PDE1A: variants seen among roughly 807,000 people sequenced by gnomAD.
The protein encoded by PDE1A is dual specificity calcium/calmodulin-dependent 3',5'-cyclic nucleotide phosphodiesterase 1A.
Under a neutral mutation model 61.7 loss-of-function variants are expected in PDE1A, and 35 were observed. That is an observed-to-expected ratio of 0.57 (90% CI 0.43 to 0.75). The LOEUF is 0.75. PDE1A is among the 30% of genes least tolerant of loss of function. PDE1A has a pLI of 0.00. For missense variants in PDE1A, 597 were observed against 630.6 expected (o/e 0.95, Z 0.57); for synonymous variants, 232 against 213.2 (o/e 1.09, Z -0.77).
At chr2:182,501,471 T>C (rs1030046058) in intron 2 of PDE1A, among the ~76,000 whole-genome samples, 1 of 152,202 alleles carries the variant, frequency 6.6e-6, no homozygotes, top group African/African-American at 2.4e-5. Context: ...TTTTCAGGAA[T>C]AGCCATGCTT....
the PDE1A span, among the ~76,000 whole-genome samples, chr2:182,595,940 CCAGA>C: frequency 6.6e-6 from 1 of 152,130 alleles, no homozygotes; most frequent in Non-Finnish European, 1.5e-5. Context: ...TAGGGCCCAT[CCAGA>C]CAGATTAAAC....
chr2:182,259,787 C>T (rs1692092421), intron 2 of PDE1A, among the ~76,000 whole-genome samples: 1 of 152,222 alleles, frequency 6.6e-6, no homozygotes, highest in Non-Finnish European at 1.5e-5. Context: ...AAGTATATCT[C>T]TCAGGCAGCT....
chr2:182,610,444 C>T, the PDE1A span, among the ~76,000 whole-genome samples: 148 of 152,146 alleles, frequency 9.7e-4, 2 homozygotes, highest in African/African-American at 3.4e-3. Flanking sequence ...GTGCTCTCTG[C>T]GGTTGAGGCA....
At chr2:182,637,734 A>G in the PDE1A span, among the ~76,000 whole-genome samples, 1 of 152,108 alleles carries the variant, frequency 6.6e-6, no homozygotes, top group Non-Finnish European at 1.5e-5. Context: ...CCAGGCTCCC[A>G]ACGTGATGAA....
intron 2 of PDE1A, among the ~76,000 whole-genome samples, chr2:182,261,503 A>C (rs1692214714): frequency 6.6e-6 from 1 of 152,194 alleles, no homozygotes; most frequent in Non-Finnish European, 1.5e-5. Context: ...AATAATAAAA[A>C]TTTGGAGTAA....
At chr2:182,537,831 G>A in the PDE1A span, among the ~76,000 whole-genome samples, 1 of 152,140 alleles carries the variant, frequency 6.6e-6, no homozygotes, top group East Asian at 1.9e-4. Flanking sequence ...TGAGTGGATG[G>A]GAGAAGTCAT....
chr2:182,155,928 C>T (rs1326279146), intron 13 of PDE1A, among the ~76,000 whole-genome samples: 1 of 152,012 alleles, frequency 6.6e-6, no homozygotes, highest in African/African-American at 2.4e-5. Context: ...AAGGGCGGGG[C>T]CAGGTGAAGA....
At chr2:182,482,912 C>T (rs889158569) in intron 2 of PDE1A, among the ~76,000 whole-genome samples, 2 of 151,832 alleles carry the variant, frequency 1.3e-5, no homozygotes, top group African/African-American at 4.8e-5. Context: ...TCAGACTGCA[C>T]GCAAAGACCA....
intron 1 of PDE1A, among the ~76,000 whole-genome samples, chr2:182,296,459 A>C (rs1694890378): frequency 1.3e-5 from 2 of 152,214 alleles, no homozygotes; most frequent in Admixed American, 1.3e-4. Context: ...TCATAGATAG[A>C]TGATATAGAT....
the PDE1A span, among the ~76,000 whole-genome samples, chr2:182,546,023 C>T: frequency 6.6e-6 from 1 of 152,234 alleles, no homozygotes; most frequent in Admixed American, 6.5e-5. Flanking sequence ...GAGAATAACC[C>T]ATTGCTCCCT....
chr2:182,371,078 G>A (rs909997254), intron 1 of PDE1A, among the ~76,000 whole-genome samples: 1 of 152,112 alleles, frequency 6.6e-6, no homozygotes, highest in African/African-American at 2.4e-5. Flanking sequence ...GAAAATCTTA[G>A]CCCATCCAAA....
intron 13 of PDE1A, among the ~76,000 whole-genome samples, chr2:182,184,612 T>C (rs930967237): frequency 2.0e-5 from 3 of 152,100 alleles, no homozygotes; most frequent in African/African-American, 7.2e-5. Context: ...TGATACCAAA[T>C]AGTAGCTCTG....
At chr2:182,683,711 T>G in the PDE1A span, among the ~76,000 whole-genome samples, 1 of 152,218 alleles carries the variant, frequency 6.6e-6, no homozygotes, top group Non-Finnish European at 1.5e-5. Context: ...GAAAAAAAGC[T>G]TGCAGCTTTT....
chr2:182,531,025 T>C, the PDE1A span, among the ~76,000 whole-genome samples: 3 of 152,134 alleles, frequency 2.0e-5, no homozygotes, highest in Non-Finnish European at 4.4e-5. Flanking sequence ...GAGAGTTCTA[T>C]ACTTCTCTCA....
chr2:182,689,751 G>A, the PDE1A span, among the ~76,000 whole-genome samples: 1 of 152,022 alleles, frequency 6.6e-6, no homozygotes, highest in Non-Finnish European at 1.5e-5. Context: ...CTGGTTTTTT[G>A]AAAAGATCAA....
the PDE1A span, among the ~76,000 whole-genome samples, chr2:182,563,432 C>A: frequency 5.3e-5 from 8 of 152,026 alleles, no homozygotes; most frequent in South Asian, 2.1e-4. Flanking sequence ...AGTTTGTTAT[C>A]ATTTCTGTTC....
At chr2:182,628,300 G>A in the PDE1A span, among the ~76,000 whole-genome samples, 7 of 152,164 alleles carry the variant, frequency 4.6e-5, no homozygotes, top group South Asian at 1.4e-3. Context: ...GCTTTCTGGA[G>A]GAAAAAATAC....
intron 2 of PDE1A, among the ~76,000 whole-genome samples, chr2:182,256,884 C>T (rs1264231209): frequency 1.3e-5 from 2 of 152,220 alleles, no homozygotes; most frequent in East Asian, 1.9e-4. Context: ...TTTTTGTACT[C>T]GAGCAAATTC....
chr2:182,285,582 C>T (rs905928079), intron 1 of PDE1A, among the ~76,000 whole-genome samples: 2 of 152,114 alleles, frequency 1.3e-5, no homozygotes, highest in Non-Finnish European at 2.9e-5. Flanking sequence ...CTTCTCCTAA[C>T]CACTTCCCAT....
Sources: allele counts gnomAD v4.1 joint callset (sites outside exome capture counted in the v4.1 genomes callset), GRCh38; gene constraint gnomAD v4.1.1; transcripts MANE v1.5; gene names NCBI Gene and HGNC (gene_info 2026-07-23, HGNC 2026-07-21).